Variants in SORCS1 observed in about 807,000 individuals in gnomAD.
SORCS1 encodes VPS10 domain-containing receptor SorCS1.
In SORCS1, 60 loss-of-function variants were observed where a neutral mutation model predicts 146.1. The observed-to-expected ratio is 0.41, with a 90% CI of 0.33 to 0.51. The LOEUF is 0.51. SORCS1 is among the 20% of genes least tolerant of loss of function. The pLI is 0.21. For synonymous variants in SORCS1, 637 were observed against 584.0 expected (o/e 1.09, Z -1.31); for missense variants, 1,352 against 1,487.6 (o/e 0.91, Z 1.50).
chr10:107,097,861 C>G (rs1964645272), intron 1 of SORCS1, among the ~76,000 whole-genome samples: 1 of 152,198 alleles, frequency 6.6e-6, no homozygotes, highest in Admixed American at 6.5e-5. Flanking sequence ...AGTGTGCCAT[C>G]TCTTTTCTGC....
intron 17 of SORCS1, chr10:106,667,360 T>C: frequency 4.4e-6 from 1 of 228,608 alleles, no homozygotes; most frequent in Non-Finnish European, 8.6e-6. Flanking sequence ...TTCCTCATCA[T>C]GGATACAATG....
At chr10:106,894,033 A>G (rs1428459051) in intron 2 of SORCS1, among the ~76,000 whole-genome samples, 1 of 152,178 alleles carries the variant, frequency 6.6e-6, no homozygotes, top group East Asian at 1.9e-4. Flanking sequence ...TAAAAGAAAA[A>G]AAATACAAAT....
At chr10:107,044,827 A>AC (rs1959228446) in intron 1 of SORCS1, among the ~76,000 whole-genome samples, 1 of 151,524 alleles carries the variant, frequency 6.6e-6, no homozygotes, top group African/African-American at 2.4e-5. Flanking sequence ...AAAAAAAAAA[A>AC]AAAAAAAAAG....
the SORCS1 span, among the ~76,000 whole-genome samples, chr10:107,177,165 G>A: frequency 6.6e-6 from 1 of 151,576 alleles, no homozygotes; most frequent in Non-Finnish European, 1.5e-5. Context: ...TTTTTAACTT[G>A]TACTGTATTT....
At chr10:106,759,233 G>C (rs961804071) in intron 5 of SORCS1, among the ~76,000 whole-genome samples, 1 of 152,194 alleles carries the variant, frequency 6.6e-6, no homozygotes, top group East Asian at 1.9e-4. Flanking sequence ...AGGCTGATGA[G>C]AGGCAGTGTG....
chr10:107,162,734 C>T (rs915667503), intron 1 of SORCS1, among the ~76,000 whole-genome samples: 1 of 152,190 alleles, frequency 6.6e-6, no homozygotes, highest in Admixed American at 6.5e-5. Context: ...AAAAAGCTGA[C>T]AATGAGCACA....
intron 1 of SORCS1, among the ~76,000 whole-genome samples, chr10:107,130,850 T>C (rs1966859748): frequency 6.6e-6 from 1 of 152,166 alleles, no homozygotes; most frequent in Non-Finnish European, 1.5e-5. Flanking sequence ...GGTAAGTACC[T>C]TCAAAATGTT....
chr10:106,706,012 A>G (rs1033516554), intron 8 of SORCS1, among the ~76,000 whole-genome samples: 1 of 152,216 alleles, frequency 6.6e-6, no homozygotes. Flanking sequence ...TAAACAACTG[A>G]TAATCAAATG....
chr10:107,164,594 C>A lies in SORCS1; in HGVS notation c.-68G>T. On this transcript the variant is annotated 5_prime_UTR_variant, in exon 1 of 26. Coordinates refer to ENST00000263054, the MANE Select transcript of SORCS1 (RefSeq NM_052918.5). The surrounding 1 kb of genome is among the most constrained non-coding windows in gnomAD (Gnocchi z 6.8). ...GGTGGCGGCACGAGCTCTGCGCTGG[C>A]GGCTGTGGGGGGCCGGCGCTCAGGA... 8.0e-7 allele frequency: 1 copy of A among 1,253,676 alleles called. No individual in the cohort carries two copies. Among genetic ancestry groups the A allele is most frequent in the Non-Finnish European group, 1.0e-6 (1 of 985,852 alleles). The allele number at this position is 1,253,676 out of a possible 1,614,324, so 77.7% of individuals were successfully genotyped here.
At chr10:106,893,998 T>C (rs1951345770) in intron 2 of SORCS1, among the ~76,000 whole-genome samples, 1 of 152,116 alleles carries the variant, frequency 6.6e-6, no homozygotes, top group East Asian at 1.9e-4. Flanking sequence ...CAGCTGTGGC[T>C]CTCTCCCTGA....
Position 107,092,541 on chromosome 10 carries a change from A to C in SORCS1, c.558+71428T>G, listed in dbSNP as rs865903215. On this transcript the variant is annotated intron_variant, in intron 1 of 25. Coordinates refer to ENST00000263054, the MANE Select transcript of SORCS1 (RefSeq NM_052918.5). ...CCTGCCTTGCACATGACAAGGCTGC[A>C]GTCCAATATGCCTGCCAGTCAGATG... Among the ~76,000 whole-genome samples, 3 of 152,318 alleles carry C rather than the reference A, an allele frequency of 2.0e-5. No homozygotes were observed. The South Asian group carries it at 6.2e-4, about 32-fold the overall frequency.
intron 3 of SORCS1, among the ~76,000 whole-genome samples, chr10:106,796,776 T>C (rs939376897): frequency 6.6e-6 from 1 of 152,174 alleles, no homozygotes; most frequent in Non-Finnish European, 1.5e-5. Flanking sequence ...ATAGTTTAAC[T>C]AGAGTTTCCA....
rs150329374 is a variant in SORCS1 at position 106,997,303 on chromosome 10, T to G, written c.559-40723A>C. Among the ~76,000 whole-genome samples, 3 of 152,332 alleles carry G rather than the reference T, an allele frequency of 2.0e-5. No homozygotes were observed. In the East Asian group the frequency reaches 5.8e-4, roughly 29 times the overall value. On this transcript the variant is annotated intron_variant, in intron 1 of 25. Transcript: ENST00000263054. ...CTCTGTGTGCCTGCCCTCACCTCTG[T>G]GTCCCTGACTGTCACTGCCTCTGAA...
intron 24 of SORCS1, among the ~76,000 whole-genome samples, chr10:106,581,873 A>C (rs1464463698): frequency 6.6e-6 from 1 of 152,202 alleles, no homozygotes; most frequent in South Asian, 2.1e-4. Flanking sequence ...CAAACCCTTA[A>C]TTTGTCAGGG....
intron 18 of SORCS1, among the ~76,000 whole-genome samples, chr10:106,636,612 A>T (rs1245230687): frequency 2.0e-5 from 3 of 152,118 alleles, no homozygotes; most frequent in Non-Finnish European, 4.4e-5. Context: ...GAACTCACTC[A>T]CTATTATGAA....
At chr10:106,747,629 CG>C (rs1857839163) in intron 5 of SORCS1, among the ~76,000 whole-genome samples, 1 of 152,132 alleles carries the variant, frequency 6.6e-6, no homozygotes, top group African/African-American at 2.4e-5. Context: ...TTCTGCATCT[CG>C]GTAGTTATCT....
At chr10:106,793,176 C>CT (rs955833957) in intron 3 of SORCS1, among the ~76,000 whole-genome samples, 6 of 152,022 alleles carry the variant, frequency 3.9e-5, no homozygotes, top group East Asian at 1.9e-4. Context: ...CGGAAAAGCA[C>CT]TTTTTTTTCC....
chr10:106,765,561 G>A (rs964041883), intron 4 of SORCS1, among the ~76,000 whole-genome samples: 2 of 152,138 alleles, frequency 1.3e-5, no homozygotes, highest in African/African-American at 4.8e-5. Context: ...CTTTGGAGCT[G>A]CCAGTTGGGT....
the SORCS1 span, among the ~76,000 whole-genome samples, chr10:107,171,090 G>A: frequency 1.3e-5 from 2 of 152,212 alleles, no homozygotes. Context: ...AGCTGTTAAA[G>A]TTGCTTCATA....
Sources: gnomAD v4.1 joint callset for allele counts (sites outside exome capture counted in the v4.1 genomes callset) on GRCh38, gnomAD v4.1.1 for gene constraint, Gnocchi (gnomAD v3.1) non-coding constraint, MANE v1.5 for transcripts, NCBI Gene and HGNC (gene_info 2026-07-23, HGNC 2026-07-21) for gene names.